Variants in ARSG observed in about 807,000 individuals in gnomAD.
ARSG encodes ASG.
Under a neutral mutation model 50.5 loss-of-function variants are expected in ARSG, and 37 were observed. The observed-to-expected ratio is 0.73, with a 90% CI of 0.56 to 0.96. ARSG has a LOEUF of 0.96. Ranked by LOEUF, ARSG falls within the 50% of genes least tolerant of loss-of-function variation. ARSG has a pLI of 0.00. For missense variants in ARSG, 629 were observed against 675.3 expected (o/e 0.93, Z 0.76); for synonymous variants, 225 against 254.6 (o/e 0.88, Z 1.11).
chr17:68,401,427 G>C lies in ARSG; in HGVS notation c.1280G>C (p.Arg427Pro), dbSNP rs771033496. Reference protein sequence around the residue: ...FGALQTVRLERYKAFYITGGA... With the variant: ...FGALQTVRLEPYKAFYITGGA... ...GCCCTGCAGACTGTCCGCCTGGAGC[G>C]TTACAAGGCCTTCTACATTACCGGT... Residue 427 changes from arginine to proline, a missense_variant, in exon 11 of 12, where the codon CGT becomes CCT. Coordinates refer to ENST00000621439, the MANE Select transcript of ARSG (RefSeq NM_001267727.2). The C allele has an allele frequency of 1.2e-6, 2 of 1,613,908 alleles. No homozygotes were observed. Among genetic ancestry groups the C allele is most frequent in the Admixed American group, 1.7e-5 (1 of 60,004 alleles).
At chr17:68,306,160 G>A (rs962428288) in intron 1 of ARSG, among the ~76,000 whole-genome samples, 10 of 151,918 alleles carry the variant, frequency 6.6e-5, no homozygotes, top group Admixed American at 6.6e-4. Flanking sequence ...ACGCCACCAT[G>A]CCCGGCTCAT....
chr17:68,333,646 T>C (rs1229672518), intron 2 of ARSG, among the ~76,000 whole-genome samples: 1 of 147,102 alleles, frequency 6.8e-6, no homozygotes, highest in Non-Finnish European at 1.5e-5. Context: ...ATAATAATAA[T>C]AATAATAATA....
In ARSG at chr17:68,271,705, C is replaced by A; in HGVS notation, c.-552+12279C>A. On this transcript the variant is annotated intron_variant, in intron 1 of 11. Coordinates refer to the ARSG transcript ENST00000448504. The surrounding 1 kb of genome is among the most constrained non-coding windows in gnomAD (Gnocchi z 5.3). ...AATAATATAAGGTCAATAATGGACT[C>A]AAGACCCAGGAGAAGCCATCAAGAA... 1.4e-6 allele frequency: 2 copies of A among 1,453,500 alleles called. No homozygotes were observed. Among genetic ancestry groups the A allele is most frequent in the Non-Finnish European group, 1.9e-6 (2 of 1,062,296 alleles). 90.0% of individuals were successfully genotyped at this position (1,453,500 alleles called of 1,614,324 possible). A position where few individuals can be genotyped will look rare whatever the true frequency, so the allele number is the denominator to read the frequency against.
At chr17:68,315,072 A>G (rs550331064) in intron 2 of ARSG, among the ~76,000 whole-genome samples, 4 of 152,290 alleles carry the variant, frequency 2.6e-5, no homozygotes, top group African/African-American at 9.6e-5. Context: ...CTTTTCTCTT[A>G]TATCTCAGAT....
chr17:68,424,104 G>A (rs1010298408), downstream of ARSG, among the ~76,000 whole-genome samples: 1 of 152,110 alleles, frequency 6.6e-6, no homozygotes, highest in Non-Finnish European at 1.5e-5. Flanking sequence ...GGCCAGTTGG[G>A]GCCATGAGAA....
intron 3 of ARSG, 105 bp from the exon 4 acceptor site, chr17:68,347,020 T>C (rs776127407): frequency 4.5e-6 from 7 of 1,564,020 alleles, no homozygotes; most frequent in South Asian, 3.4e-5. Context: ...TTGTCCACAG[T>C]GCGAGGCGAA....
At chr17:68,263,110 T>G (rs1193520403) in intron 1 of ARSG, among the ~76,000 whole-genome samples, 2 of 152,254 alleles carry the variant, frequency 1.3e-5, no homozygotes, top group Non-Finnish European at 2.9e-5. Context: ...GCATCAGGTT[T>G]CCCGTCTAAT....
chr17:68,350,875 A>C (rs1356894265), intron 4 of ARSG, among the ~76,000 whole-genome samples: 1 of 152,186 alleles, frequency 6.6e-6, no homozygotes, highest in East Asian at 1.9e-4. Context: ...ACTCAGAAGA[A>C]AACTTCAACA....
chr17:68,365,028 G>A (rs368768668), intron 6 of ARSG, among the ~76,000 whole-genome samples: 3 of 152,266 alleles, frequency 2.0e-5, no homozygotes, highest in East Asian at 1.9e-4. Flanking sequence ...ACAAGGAAGC[G>A]GTCGGGCGCA....
intron 2 of ARSG, among the ~76,000 whole-genome samples, chr17:68,316,063 C>T (rs543749467): frequency 4.6e-5 from 7 of 152,328 alleles, no homozygotes; most frequent in African/African-American, 1.7e-4. Flanking sequence ...CCAGCTTCAT[C>T]TCCAACCCTC....
At chr17:68,323,457 C>G (rs753707280) in intron 2 of ARSG, among the ~76,000 whole-genome samples, 1 of 152,018 alleles carries the variant, frequency 6.6e-6, no homozygotes, top group African/African-American at 2.4e-5. Flanking sequence ...GCTATGTTGC[C>G]GAGGCTGATT....
In ARSG at chr17:68,315,054, C is replaced by T. The variant is rs184496515; in HGVS notation, c.218+7343C>T. On this transcript the variant is annotated intron_variant, in intron 2 of 11. Transcript: ENST00000621439. ...GCATTACCCTGGCTAATTCTTGGTA[C>T]CACCCTACTTTTCTCTTATATCTCA... Among the ~76,000 whole-genome samples the T allele has an allele frequency of 3.3e-5, 5 of 152,318 alleles. No individual in the cohort carries two copies. The East Asian group carries it at 9.6e-4, about 29-fold the overall frequency.
chr17:68,426,247 A>AGGGGGGGGGGGGGGGGGGG, downstream of ARSG: 3 of 655,800 alleles, frequency 4.6e-6, no homozygotes, highest in Admixed American at 3.9e-5. Flanking sequence ...GCGGGTGGGG[A>AGGGGGGGGGGGGGGGGGGG]GCGGGGGCTC....
chr17:68,391,242 C>G (rs1212632957), intron 9 of ARSG, among the ~76,000 whole-genome samples: 7 of 152,042 alleles, frequency 4.6e-5, no homozygotes, highest in Admixed American at 3.9e-4. Context: ...TGCCAGGGAC[C>G]GTCTCCCTCT....
chr17:68,272,772 G>C, intron 1 of ARSG: 1 of 1,613,662 alleles, frequency 6.2e-7, no homozygotes, highest in Non-Finnish European at 8.5e-7. Context: ...CCAGACCTGT[G>C]AAAGAAAAGT....
In ARSG at chr17:68,420,550, C is replaced by G; in HGVS notation, c.*87C>G. The G allele has an allele frequency of 1.4e-6, 2 of 1,438,942 alleles. No individual in the cohort carries two copies. Among genetic ancestry groups the G allele is most frequent in the South Asian group, 2.5e-5 (2 of 79,062 alleles). 89.1% of individuals were successfully genotyped at this position (1,438,942 alleles called of 1,614,324 possible). On this transcript the variant is annotated 3_prime_UTR_variant, in exon 12 of 12. Transcript: ENST00000621439. ...TTCATTTTTACCCTCTTTACAAACA[C>G]ACGCTTTAGTTTAGTCTTGGAGTTT...
At chr17:68,300,094 C>A (rs1352772957) in intron 1 of ARSG, among the ~76,000 whole-genome samples, 1 of 152,094 alleles carries the variant, frequency 6.6e-6, no homozygotes, top group Admixed American at 6.6e-5. Context: ...CACATGCCAC[C>A]ATATCCAGTT....
intron 2 of ARSG, among the ~76,000 whole-genome samples, chr17:68,339,800 G>A (rs939203510): frequency 2.0e-5 from 3 of 152,146 alleles, no homozygotes; most frequent in Admixed American, 6.5e-5. Context: ...GGAGATGTAC[G>A]AGGTCAGGGT....
chr17:68,346,898 A>C, intron 3 of ARSG: 6 of 1,465,262 alleles, frequency 4.1e-6, no homozygotes, highest in Non-Finnish European at 5.4e-6. Flanking sequence ...TTCCCCTTTC[A>C]CTGTGGTTTC....
Sources: gnomAD v4.1 joint callset for allele counts (sites outside exome capture counted in the v4.1 genomes callset) on GRCh38, gnomAD v4.1.1 for gene constraint, Gnocchi (gnomAD v3.1) non-coding constraint, MANE v1.5 for transcripts, NCBI Gene and HGNC (gene_info 2026-07-23, HGNC 2026-07-21) for gene names.